Variants in ZDHHC5 observed in about 807,000 individuals in gnomAD.
ZDHHC5 encodes the protein zDHHC palmitoyltransferase 5, also known as palmitoyltransferase ZDHHC5.
ZDHHC5 carries 22 observed loss-of-function variants against 70.0 expected under a neutral mutation model. That is an observed-to-expected ratio of 0.31 (90% confidence interval 0.22 to 0.45). ZDHHC5 has a LOEUF of 0.45. Ranked by LOEUF, ZDHHC5 falls within the 20% of genes least tolerant of loss-of-function variation. The pLI is 1.00. For missense variants in ZDHHC5, 746 were observed against 926.9 expected, an observed-to-expected ratio of 0.80 and a Z score of 2.53; for synonymous variants, 313 against 347.8, an observed-to-expected ratio of 0.90 and a Z score of 1.11.
intron 3 of ZDHHC5, among the ~76,000 whole-genome samples, chr11:57,686,644 T>G (rs1308413315): frequency 6.6e-6 from 1 of 151,768 alleles, no homozygotes; most frequent in Non-Finnish European, 1.5e-5. Context: ...TTTAAAGATT[T>G]CAATAAGTAG....
At position 57,676,991 on chromosome 11, in the gene ZDHHC5, G is replaced by A. The variant is rs186626032; in HGVS notation, c.104+3797G>A. ...GGCTGGAGTGCAGTGGCGCGATCTC[G>A]GCTCGCTGCAAGCTCTGCCTCCTGG... is the stretch of plus-strand genomic sequence containing the variant. On this transcript the variant is annotated intron_variant, in intron 2 of 11. Transcript: ENST00000287169. 8.6e-3 allele frequency among the ~76,000 whole-genome samples: 1,199 copies of A among 140,166 alleles called. 23 individuals are homozygous for A. Among genetic ancestry groups the A allele is most frequent in the African/African-American group, 0.03 (1,115 of 36,582 alleles). The allele number at this position is 140,166 out of a possible 152,430, so 92.0% of individuals were successfully genotyped here.
intron 6 of ZDHHC5, among the ~76,000 whole-genome samples, chr11:57,691,746 T>C (rs1946287555): frequency 6.6e-6 from 1 of 151,926 alleles, no homozygotes; most frequent in Non-Finnish European, 1.5e-5. Context: ...TAGCAAGACA[T>C]ATGTATATGT....
chr11:57,673,730 C>G (rs1039708670), intron 2 of ZDHHC5, among the ~76,000 whole-genome samples: 13 of 152,160 alleles, frequency 8.5e-5, no homozygotes, highest in Middle Eastern at 3.2e-3. Flanking sequence ...ACCACCACAC[C>G]TGGCTAATTT....
At position 57,699,231 on chromosome 11, in the gene ZDHHC5, C is replaced by G; in HGVS notation, c.1795C>G (p.Pro599Ala). ...AAAGAGATCACCTTTGGGCAAGACTCCACTGGGACGCCCAGCTGTCCCCCG... is the reference window on the plus strand; with the variant it reads ...AAAGAGATCACCTTTGGGCAAGACTGCACTGGGACGCCCAGCTGTCCCCCG... ...DSKRSPLGKTPLGRPAVPRFG... is the reference protein window; with the variant it reads ...DSKRSPLGKTALGRPAVPRFG... The change falls in exon 11 of 12, where the codon CCA becomes GCA. Residue 599 changes from proline (P) to alanine (A), a missense_variant. Around this residue, in one of 6 missense-constraint regions of ZDHHC5, gnomAD observed 340 missense variants for 350.1 expected, o/e 0.97. Coordinates refer to ENST00000287169, the MANE Select transcript of ZDHHC5 (RefSeq NM_015457.3). 3 of 1,614,268 alleles carry G rather than the reference C, an allele frequency of 1.9e-6. No individual in the cohort carries two copies. The highest frequency in any genetic ancestry group is 2.5e-6 in the Non-Finnish European group (3 of 1,180,040).
At chr11:57,677,942 A>G (rs1197676782) in intron 2 of ZDHHC5, among the ~76,000 whole-genome samples, 2 of 152,224 alleles carry the variant, frequency 1.3e-5, no homozygotes, top group African/African-American at 4.8e-5. Context: ...ACCACAAATC[A>G]GGTGTTTTCA....
chr11:57,698,484 C>T, intron 10 of ZDHHC5, 75 bp from the exon 11 acceptor site: 1 of 1,514,130 alleles, frequency 6.6e-7, no homozygotes, highest in Non-Finnish European at 8.8e-7. Flanking sequence ...CTCTTTTTGA[C>T]CAACTCCTTG....
chr11:57,693,808 A>G lies in ZDHHC5; in HGVS notation c.778A>G (p.Lys260Glu), dbSNP rs765673107. 1 of 1,581,132 alleles carries G rather than the reference A, an allele frequency of 6.3e-7. No homozygotes were observed. Among genetic ancestry groups the G allele is most frequent in the South Asian group, 1.2e-5 (1 of 86,170 alleles). ...PRYLGRPKKE[K>E]TIVIRPPFLR... ...GTATTTGGGGAGACCAAAGAAAGAG[A>G]AGACAATTGTAATCAGACCTCCCTT... Residue 260 changes from lysine to glutamate, a missense_variant, in exon 8 of 12, where the codon AAG becomes GAG. Lys to Glu is a moderately conservative substitution (Grantham distance 56). Transcript: ENST00000287169.
Position 57,693,861 on chromosome 11 carries a change from G to C in ZDHHC5, c.831G>C (p.Gln277His). 10 of 1,612,964 alleles carry C rather than the reference G, an allele frequency of 6.2e-6. No homozygotes were observed. Among genetic ancestry groups the C allele is most frequent in the African/African-American group, 1.3e-5 (1 of 75,008 alleles). ...PFLRPEVSDG[Q>H]ITVKIMDNGI... ...TTCGACCAGAAGTTTCAGATGGGCA[G>C]ATAACTGTGAAGATCATGGATAATG... The change falls in exon 8 of 12, where the codon CAG (glutamine) becomes CAC (histidine). Residue 277 changes from glutamine to histidine, a missense_variant. By Grantham distance (24) the Gln-to-His change is conservative. This residue lies in a region of ZDHHC5 where 114 missense variants were observed against 179.3 expected (regional missense o/e 0.64). Transcript: ENST00000287169.
At position 57,672,556 on chromosome 11, in the gene ZDHHC5, T is replaced by A; in HGVS notation, c.-535T>A. ...CCTCAGGTTCCTTCTTGGATTGAAA[T>A]AGAAATAGAAACACAGGGCACACCT... On this transcript the variant is annotated 5_prime_UTR_variant, in exon 2 of 12. Transcript: ENST00000287169. The A allele has an allele frequency of 3.6e-6, 1 of 279,312 alleles. No homozygotes were observed. The highest frequency in any genetic ancestry group is 6.6e-6 in the Non-Finnish European group (1 of 151,794). The allele number at this position is 279,312 out of a possible 1,614,324, so 17.3% of individuals were successfully genotyped here.
rs1258791232 is a variant in ZDHHC5, at chr11:57,688,558, A to G, written c.277A>G (p.Thr93Ala). Reference protein sequence around the residue: ...EDDFRAPLYKTVEIKGIQVRM... With the variant: ...EDDFRAPLYKAVEIKGIQVRM... ...TGATTTCCGAGCTCCCCTTTACAAA[A>G]CAGTGGAGATAAAGGGCATCCAGGT... The change falls in exon 4 of 12, where the codon ACA becomes GCA. Residue 93 changes from threonine (T) to alanine (A), a missense_variant. By Grantham distance (58) the Thr-to-Ala change is moderately conservative (BLOSUM62 0). Coordinates refer to ENST00000287169, the MANE Select transcript of ZDHHC5 (RefSeq NM_015457.3). 1 of 1,607,722 alleles carries G rather than the reference A, an allele frequency of 6.2e-7. No individual in the cohort carries two copies. The highest frequency in any genetic ancestry group is 8.5e-7 in the Non-Finnish European group (1 of 1,177,260).
At chr11:57,671,141 G>A (rs1946001780) in intron 1 of ZDHHC5, among the ~76,000 whole-genome samples, 1 of 152,130 alleles carries the variant, frequency 6.6e-6, no homozygotes, top group African/African-American at 2.4e-5. Context: ...CTGAACCTGA[G>A]GTGATTCAGT....
chr11:57,693,753 GTCTCTC>G lies in ZDHHC5; in HGVS notation c.753-15_753-10del, dbSNP rs141993890. 569 of 1,425,398 alleles carry G rather than the reference GTCTCTC, an allele frequency of 4.0e-4. 1 individual carries two copies. Among genetic ancestry groups the G allele is most frequent in the Middle Eastern group, 1.3e-3 (7 of 5,552 alleles). The allele number at this position is 1,425,398 out of a possible 1,614,324, so 88.3% of individuals were successfully genotyped here. A position where few individuals can be genotyped will look rare whatever the true frequency, so the allele number is the denominator to read the frequency against. On this transcript the variant is annotated intron_variant, in intron 7 of 11. Transcript: ENST00000287169. ...AAATGAATGAAAGCTCTCTCGCTGT[GTCTCTC>G]TCTCTCTCTCTCTCGACACTTAGGT...
chr11:57,698,050 G>A (rs1946378702), intron 10 of ZDHHC5, among the ~76,000 whole-genome samples: 1 of 151,690 alleles, frequency 6.6e-6, no homozygotes, highest in South Asian at 2.1e-4. Flanking sequence ...CAGGAGAATC[G>A]TTTGAACCTG....
At chr11:57,691,010 A>G (rs1187185202) in intron 6 of ZDHHC5, among the ~76,000 whole-genome samples, 1 of 152,002 alleles carries the variant, frequency 6.6e-6, no homozygotes, top group African/African-American at 2.4e-5. Context: ...TAATAAAGAT[A>G]CTCTCAAAGA....
intron 3 of ZDHHC5, 136 bp downstream of exon 3, chr11:57,682,679 TTGATC>T (rs2135387758): frequency 8.8e-7 from 1 of 1,136,408 alleles, no homozygotes; most frequent in Admixed American, 3.4e-5. Flanking sequence ...GCATACGCAG[TTGATC>T]TTGGGCCTTA....
At chr11:57,683,551 A>G (rs1946173718) in intron 3 of ZDHHC5, among the ~76,000 whole-genome samples, 1 of 152,202 alleles carries the variant, frequency 6.6e-6, no homozygotes, top group Non-Finnish European at 1.5e-5. Flanking sequence ...AGAATGTCAA[A>G]CGGGTTTGGA....
chr11:57,693,732 G>T, intron 7 of ZDHHC5, 51 bp from the exon 8 acceptor site: 1 of 1,489,996 alleles, frequency 6.7e-7, no homozygotes, highest in South Asian at 1.3e-5. Context: ...AAATATAAAT[G>T]AATGAAAGCT....
At chr11:57,673,905 T>G (rs1946038083) in intron 2 of ZDHHC5, among the ~76,000 whole-genome samples, 1 of 152,230 alleles carries the variant, frequency 6.6e-6, no homozygotes, top group African/African-American at 2.4e-5. Flanking sequence ...ATGGCTTTTT[T>G]CCAGGATGTC....
chr11:57,692,171 C>T (rs1302371132), intron 6 of ZDHHC5, among the ~76,000 whole-genome samples: 15 of 152,090 alleles, frequency 9.9e-5, no homozygotes, highest in Admixed American at 9.8e-4. Context: ...TGCCTGACAC[C>T]ATGCCCGGCT....
Sources: allele counts gnomAD v4.1 joint callset (sites outside exome capture counted in the v4.1 genomes callset), GRCh38; gene constraint gnomAD v4.1.1; regional missense constraint gnomAD v4.1.1; transcripts MANE v1.5; gene names NCBI Gene and HGNC (gene_info 2026-07-23, HGNC 2026-07-21).